Variants in MFN2 observed in about 807,000 individuals in gnomAD.
MFN2 encodes mitofusin 2.
MFN2 carries 43 observed loss-of-function variants against 87.5 expected under a neutral mutation model. That is an observed-to-expected ratio of 0.49 (90% CI 0.38 to 0.63). The LOEUF is 0.63. Ranked by LOEUF, MFN2 falls within the 30% of genes least tolerant of loss-of-function variation. The pLI is 0.00. For synonymous variants in MFN2, 337 were observed against 359.9 expected, an observed-to-expected ratio of 0.94 and a Z score of 0.72; for missense variants, 743 against 972.8, an observed-to-expected ratio of 0.76 and a Z score of 3.14.
At chr1:12,009,840 A>T (rs1639613081) in intron 18 of MFN2, 114 bp downstream of exon 18, 1 of 1,477,378 alleles carries the variant, frequency 6.8e-7, no homozygotes, top group Non-Finnish European at 9.3e-7. Flanking sequence ...TCTGGTGGGG[A>T]TTTAGCTCAT....
rs1377495292 is a variant in MFN2 at position 12,004,979 on chromosome 1, C to T, written c.1495+52C>T. The T allele has an allele frequency of 7.0e-7, 1 of 1,437,724 alleles. No homozygotes were observed. 89.1% of individuals were successfully genotyped at this position (1,437,724 alleles called of 1,614,324 possible). A position where few individuals can be genotyped will look rare whatever the true frequency, so the allele number is the denominator to read the frequency against. On this transcript the variant is annotated intron_variant, in intron 14 of 18. Coordinates refer to ENST00000235329, the MANE Select transcript of MFN2 (RefSeq NM_014874.4). This position sits in a 1 kb window ranked among gnomAD's most constrained non-coding sequence, Gnocchi z 4.2. ...CTGTGGCCCTGGGCTGCCCAAAGAT[C>T]AGATGCGGAGGCCAAGCTAAAGAAA...
Position 11,998,523 on chromosome 1 carries a change from G to A in MFN2, c.600-247G>A, listed in dbSNP as rs149142526. Among the ~76,000 whole-genome samples the A allele has an allele frequency of 0.025, 3,724 of 151,178 alleles. 155 individuals are homozygous for A. The highest frequency in any genetic ancestry group is 0.085 in the African/African-American group (3,516 of 41,162). Reference sequence around the variant, plus strand: ...AGATCGTGCCATTGCACTCCAGCCCGGGCGACAGAGCAAGACTCTATATCC... The same window carrying A: ...AGATCGTGCCATTGCACTCCAGCCCAGGCGACAGAGCAAGACTCTATATCC... On this transcript the variant is annotated intron_variant, in intron 6 of 18. Transcript: ENST00000235329.
At chr1:12,006,506 C>A (rs1213297442) in intron 15 of MFN2, 32 bp from the exon 16 acceptor site, 2 of 1,610,156 alleles carry the variant, frequency 1.2e-6, no homozygotes, top group Non-Finnish European at 1.7e-6. Context: ...CTCAATACGT[C>A]CCCCTCACCC....
rs149611457 is a variant in MFN2, at chr1:11,993,081, G to A, written c.311+391G>A. Among the ~76,000 whole-genome samples the A allele has an allele frequency of 9.1e-3, 1,377 of 151,240 alleles. 65 individuals carry two copies. Among genetic ancestry groups the A allele is most frequent in the Admixed American group, 0.074 (1,124 of 15,238 alleles). On this transcript the variant is annotated intron_variant, in intron 4 of 18. Transcript: ENST00000235329. ...GGTATATTTGCAACCAGTCTCAAGA[G>A]CTTTTTCATCTTGCAGAACTGAAGC...
At chr1:12,009,542 G>A (rs779706635) in intron 17 of MFN2, 50 bp from the exon 18 acceptor site, 7 of 1,613,742 alleles carry the variant, frequency 4.3e-6, no homozygotes, top group Non-Finnish European at 5.9e-6. Flanking sequence ...AGCCACCAGT[G>A]GCATCTTGCT....
In MFN2 at chr1:12,013,206, T is replaced by C. The variant is rs1639762050; in HGVS notation, c.*1641T>C. ...TTGTGCTCTTTTTGAAAAAAAAAAA[T>C]TCTTTAGCGTAAACATGAATTTTTT... On this transcript the variant is annotated 3_prime_UTR_variant, in exon 19 of 19. Transcript: ENST00000235329. The C allele has an allele frequency of 3.0e-6, 1 of 328,824 alleles. No individual in the cohort carries two copies. The highest frequency in any genetic ancestry group is 6.2e-6 in the Non-Finnish European group (1 of 162,294). 20.4% of individuals were successfully genotyped at this position (328,824 alleles called of 1,614,324 possible). A position where few individuals can be genotyped will look rare whatever the true frequency, so the allele number is the denominator to read the frequency against.
chr1:11,987,920 C>G (rs971902293), intron 2 of MFN2, among the ~76,000 whole-genome samples: 1 of 152,106 alleles, frequency 6.6e-6, no homozygotes, highest in African/African-American at 2.4e-5. Context: ...CACTGCACTC[C>G]AGCCCAGGTA....
intron 18 of MFN2, among the ~76,000 whole-genome samples, chr1:12,010,339 CAT>C (rs576157370): frequency 6.1e-4 from 93 of 152,340 alleles, no homozygotes; most frequent in Middle Eastern, 3.4e-3. Flanking sequence ...CAGCGCTTAA[CAT>C]GTGCTATTTC....
At chr1:12,006,048 C>A in intron 15 of MFN2, 117 bp downstream of exon 15, 1 of 903,464 alleles carries the variant, frequency 1.1e-6, no homozygotes, top group Non-Finnish European at 1.8e-6. Flanking sequence ...TGGTGGTGTG[C>A]CCCACCACAC....
Position 12,004,481 on chromosome 1 carries a change from C to A in MFN2, c.1288-28C>A. On this transcript the variant is annotated intron_variant, in intron 12 of 18. Coordinates refer to ENST00000235329, the MANE Select transcript of MFN2 (RefSeq NM_014874.4). The surrounding 1 kb of genome is among the most constrained non-coding windows in gnomAD (Gnocchi z 4.2). ...GAGTGAACTTTGGTCTTCCTTGATACTTAACAGTGTGCTTCCTTTTGCTGT... is the reference window on the plus strand; with the variant it reads ...GAGTGAACTTTGGTCTTCCTTGATAATTAACAGTGTGCTTCCTTTTGCTGT... 1 of 1,600,096 alleles carries A rather than the reference C, an allele frequency of 6.2e-7. No individual in the cohort carries two copies. Among genetic ancestry groups the A allele is most frequent in the Non-Finnish European group, 8.6e-7 (1 of 1,167,176 alleles).
intron 3 of MFN2, among the ~76,000 whole-genome samples, chr1:11,991,873 C>G (rs58026984): frequency 0.66 from 86,209 of 130,982 alleles, 28,830 homozygotes; most frequent in African/African-American, 0.75. Context: ...GCAGTGAGCC[C>G]AGATCCCGCC....
Position 12,009,547 on chromosome 1 carries a change from C to T in MFN2, c.2070-45C>T, listed in dbSNP as rs202114674. 3.2e-5 allele frequency: 52 copies of T among 1,613,982 alleles called. No homozygotes were observed. In the Middle Eastern group the frequency reaches 5.0e-4, roughly 16 times the overall value. ...GGGTGGGCTAAGCCACCAGTGGCAT[C>T]TTGCTCCACACACCCCAACTGGGTC... is the stretch of plus-strand genomic sequence containing the variant. On this transcript the variant is annotated intron_variant, in intron 17 of 18. Coordinates refer to ENST00000235329, the MANE Select transcript of MFN2 (RefSeq NM_014874.4).
intron 6 of MFN2, among the ~76,000 whole-genome samples, chr1:11,998,160 G>A (rs1461626938): frequency 2.6e-5 from 4 of 151,720 alleles, no homozygotes; most frequent in Admixed American, 2.6e-4. Flanking sequence ...GGGATTACGG[G>A]CATGAGCCAC....
chr1:11,998,900 C>T, intron 7 of MFN2, 22 bp downstream of exon 7: 1 of 1,613,540 alleles, frequency 6.2e-7, no homozygotes, highest in African/African-American at 1.3e-5. Flanking sequence ...TCTGCCTTCT[C>T]CCAAGCTCCC....
intron 2 of MFN2, among the ~76,000 whole-genome samples, chr1:11,986,153 CT>C (rs1638395580): frequency 1.3e-5 from 2 of 152,206 alleles, no homozygotes; most frequent in African/African-American, 4.8e-5. Context: ...CTTCTGCCCA[CT>C]CTTTGGGATG....
chr1:11,991,662 C>T (rs983288160), intron 3 of MFN2, among the ~76,000 whole-genome samples: 4 of 152,062 alleles, frequency 2.6e-5, no homozygotes, highest in Admixed American at 6.5e-5. Flanking sequence ...CGGTGGCTCA[C>T]GCCTGTGATC....
chr1:11,982,392 T>A (rs999169165), intron 2 of MFN2: 6 of 152,284 alleles, frequency 3.9e-5, no homozygotes, highest in Non-Finnish European at 7.3e-5. Flanking sequence ...TGGTCTCTGC[T>A]GTGCTGGCTC....
At chr1:12,001,707 G>A in intron 9 of MFN2, 62 bp from the exon 10 acceptor site, 1 of 1,607,332 alleles carries the variant, frequency 6.2e-7, no homozygotes, top group Non-Finnish European at 8.5e-7. Context: ...GGTTTCTGGG[G>A]ATTTCATCGT....
intron 3 of MFN2, among the ~76,000 whole-genome samples, chr1:11,991,481 C>T (rs982610231): frequency 6.6e-6 from 1 of 152,130 alleles, no homozygotes; most frequent in African/African-American, 2.4e-5. Flanking sequence ...TGTAGTGTGT[C>T]AGTTCTTCAG....
Sources: allele counts gnomAD v4.1 joint callset (sites outside exome capture counted in the v4.1 genomes callset), GRCh38; gene constraint gnomAD v4.1.1; non-coding constraint Gnocchi (gnomAD v3.1); transcripts MANE v1.5; gene names NCBI Gene and HGNC (gene_info 2026-07-23, HGNC 2026-07-21).